DCAF16: variants seen among roughly 807,000 people sequenced by gnomAD.
DCAF16 encodes DDB1 and CUL4 associated factor 16.
A neutral mutation model predicts 17.3 loss-of-function variants in DCAF16; 10 were observed. The ratio of observed to expected loss-of-function variants is 0.58; its 90% confidence interval spans 0.36 to 0.98. DCAF16 has a LOEUF of 0.98. Ranked by LOEUF, DCAF16 falls within the 50% of genes least tolerant of loss-of-function variation. The probability of loss-of-function intolerance (pLI) is 0.01; values close to 1 mark genes in which losing one functional copy is unlikely to be tolerated. For missense variants in DCAF16, 249 were observed against 247.6 expected (o/e 1.01, Z -0.04); for synonymous variants, 111 against 92.8 (o/e 1.20, Z -1.12).
the DCAF16 span, among the ~76,000 whole-genome samples, chr4:17,795,588 T>A: frequency 8.5e-5 from 13 of 152,266 alleles, no homozygotes; most frequent in African/African-American, 3.1e-4. Flanking sequence ...TTCTTCAAGT[T>A]ATTTTCTAAT....
chr4:17,796,685 G>A (rs1206493139), downstream of DCAF16, among the ~76,000 whole-genome samples: 1 of 152,150 alleles, frequency 6.6e-6, no homozygotes, highest in Non-Finnish European at 1.5e-5. Flanking sequence ...CCAGCCTGGC[G>A]ACAGGGTGAG....
At position 17,805,479 on chromosome 4, in the gene DCAF16, AAAG is replaced by A. The variant is rs529122933; in HGVS notation, c.-749-257_-749-255del. ...ATAAATTACCAGAACTAAAGGAAAA[AAAG>A]AGAGAATTTTATTGAATGTGGATAA... On this transcript the variant is annotated intron_variant, in intron 1 of 2. Transcript: ENST00000382247. Among the ~76,000 whole-genome samples, 14 of 152,322 alleles carry A rather than the reference AAAG, an allele frequency of 9.2e-5. No individual in the cohort carries two copies. The East Asian group carries it at 2.7e-3, about 29-fold the overall frequency.
Position 17,800,842 on chromosome 4 carries a change from C to G in DCAF16, c.*2649G>C, listed in dbSNP as rs1719697102. 6.6e-6 allele frequency: 1 copy of G among 151,442 alleles called. No individual in the cohort carries two copies. Among genetic ancestry groups the G allele is most frequent in the Non-Finnish European group, 1.5e-5 (1 of 67,948 alleles). 9.4% of individuals were successfully genotyped at this position (151,442 alleles called of 1,614,324 possible). ...ATTCAGACCTCTTCCCTACCTCCTCCCACCTCCACTTAAACAAACAAACAA... is the reference window on the plus strand; with the variant it reads ...ATTCAGACCTCTTCCCTACCTCCTCGCACCTCCACTTAAACAAACAAACAA... On this transcript the variant is annotated 3_prime_UTR_variant, in exon 3 of 3. Transcript: ENST00000382247.
chr4:17,804,812 T>C (rs1258620189), intron 2 of DCAF16, 41 bp from the exon 3 acceptor site: 1 of 167,164 alleles, frequency 6.0e-6, no homozygotes, highest in Non-Finnish European at 1.5e-5. Flanking sequence ...CTGGATAACA[T>C]TATTGCCTAC....
In DCAF16 at chr4:17,803,270, C is replaced by G; in HGVS notation, c.*221G>C. 1.9e-6 allele frequency: 1 copy of G among 520,432 alleles called. No individual in the cohort carries two copies. The highest frequency in any genetic ancestry group is 2.3e-5 in the South Asian group (1 of 44,118). The allele number at this position is 520,432 out of a possible 1,614,324, so 32.2% of individuals were successfully genotyped here. ...AAACTTCTGACTTCAGCAGATCCAC[C>G]CGCCTCAGCCTCCCAAAGTGCTGGG... On this transcript the variant is annotated 3_prime_UTR_variant, in exon 3 of 3. Coordinates refer to ENST00000382247, the MANE Select transcript of DCAF16 (RefSeq NM_017741.4).
At chr4:17,795,888 G>T (rs1410591016), downstream of DCAF16, among the ~76,000 whole-genome samples, 1 of 152,146 alleles carries the variant, frequency 6.6e-6, no homozygotes, top group African/African-American at 2.4e-5. Flanking sequence ...GGGTCAAGCT[G>T]TTTTTTTACT....
chr4:17,801,319 G>A lies in DCAF16; in HGVS notation c.*2172C>T, dbSNP rs1719756352. On this transcript the variant is annotated 3_prime_UTR_variant, in exon 3 of 3. Coordinates refer to ENST00000382247, the MANE Select transcript of DCAF16 (RefSeq NM_017741.4). ...AATTTTTATATTTTTAGTAGAGATG[G>A]GCTTTCACCATGTTGGCCAGGCTGG... 1 of 151,992 alleles carries A rather than the reference G, an allele frequency of 6.6e-6. No individual in the cohort carries two copies. The highest frequency in any genetic ancestry group is 6.6e-5 in the Admixed American group (1 of 15,234). The allele number at this position is 151,992 out of a possible 1,614,324, so 9.4% of individuals were successfully genotyped here. A position where few individuals can be genotyped will look rare whatever the true frequency, so the allele number is the denominator to read the frequency against.
downstream of DCAF16, among the ~76,000 whole-genome samples, chr4:17,799,871 T>C (rs1431851378): frequency 6.6e-6 from 1 of 152,044 alleles, no homozygotes; most frequent in Non-Finnish European, 1.5e-5. Context: ...TGCCTATGGC[T>C]GGGCACGGTG....
In DCAF16 at chr4:17,801,074, T is replaced by G. The variant is rs2109014063; in HGVS notation, c.*2417A>C. On this transcript the variant is annotated 3_prime_UTR_variant, in exon 3 of 3. Transcript: ENST00000382247. Reference sequence around the variant, plus strand: ...AGGCTCAGCAGAAATATTCACTAGGTTATAAGCATTCTTCTCTCTTCTTAA... The same window carrying G: ...AGGCTCAGCAGAAATATTCACTAGGGTATAAGCATTCTTCTCTCTTCTTAA... 6.6e-6 allele frequency: 1 copy of G among 152,342 alleles called. No individual in the cohort carries two copies. The highest frequency in any genetic ancestry group is 1.9e-4 in the East Asian group (1 of 5,192). The allele number at this position is 152,342 out of a possible 1,614,324, so 9.4% of individuals were successfully genotyped here.
chr4:17,803,851 G>A lies in DCAF16; in HGVS notation c.291C>T (p.Leu97=). 1 of 1,614,198 alleles carries A rather than the reference G, an allele frequency of 6.2e-7. No individual in the cohort carries two copies. ...TGGGGACACAATGGGAACAATGGGA[G>A]AGTCTTAGACCTATCTCTCGAAGTA... ...VHILREIGLR[L]SHCSHCVPKL... is the part of the protein sequence containing the mutation. Residue 97 remains leucine (L), a synonymous_variant, in exon 3 of 3, where the codon CTC becomes CTT. Transcript: ENST00000382247.
At chr4:17,798,425 C>T (rs1719530606), downstream of DCAF16, among the ~76,000 whole-genome samples, 1 of 150,280 alleles carries the variant, frequency 6.7e-6, no homozygotes, top group South Asian at 2.1e-4. Context: ...AGTGAAACTG[C>T]CTCTACAAAG....
At position 17,805,117 on chromosome 4, in the gene DCAF16, G is replaced by T; in HGVS notation, c.-641C>A. 1 of 145,022 alleles carries T rather than the reference G, an allele frequency of 6.9e-6. No individual in the cohort carries two copies. 9.0% of individuals were successfully genotyped at this position (145,022 alleles called of 1,614,324 possible). On this transcript the variant is annotated 5_prime_UTR_variant, in exon 2 of 3. Coordinates refer to ENST00000382247, the MANE Select transcript of DCAF16 (RefSeq NM_017741.4). ...TTTTTTTTTTTTTACCTTCAGAGGT[G>T]CTTGTTGGAATTAGTTTTAGGGGGC...
At chr4:17,795,729 GCTT>G (rs1432845218), downstream of DCAF16, among the ~76,000 whole-genome samples, 1 of 152,152 alleles carries the variant, frequency 6.6e-6, no homozygotes, top group African/African-American at 2.4e-5. Context: ...GAATATCACA[GCTT>G]CTTTATGTTC....
At chr4:17,796,644 T>C (rs1364586955), downstream of DCAF16, among the ~76,000 whole-genome samples, 1 of 152,112 alleles carries the variant, frequency 6.6e-6, no homozygotes, top group Non-Finnish European at 1.5e-5. Flanking sequence ...GAGGTGGAGA[T>C]TGCAGTGAGC....
At chr4:17,797,600 C>T (rs1413225002), downstream of DCAF16, among the ~76,000 whole-genome samples, 1 of 152,196 alleles carries the variant, frequency 6.6e-6, no homozygotes, top group Non-Finnish European at 1.5e-5. Context: ...AACATTAATG[C>T]CAGCTTTCAA....
rs761690711 is a variant in DCAF16 at position 17,804,424 on chromosome 4, T to A, written c.-283A>T. ...CTTACCACTGGCACAGGTCAGAGTA[T>A]CTCCTTCAAATCCTGGCTACCCAAG... On this transcript the variant is annotated 5_prime_UTR_variant, in exon 3 of 3. Transcript: ENST00000382247. 4.2e-5 allele frequency: 17 copies of A among 405,260 alleles called. No homozygotes were observed. The highest frequency in any genetic ancestry group is 7.0e-5 in the Non-Finnish European group (15 of 215,332). The allele number at this position is 405,260 out of a possible 1,614,324, so 25.1% of individuals were successfully genotyped here. A position where few individuals can be genotyped will look rare whatever the true frequency, so the allele number is the denominator to read the frequency against.
At position 17,804,038 on chromosome 4, in the gene DCAF16, G is replaced by C. The variant is rs146048575; in HGVS notation, c.104C>G (p.Ser35Cys). The C allele has an allele frequency of 1.3e-5, 21 of 1,614,112 alleles. No homozygotes were observed. The African/African-American group carries it at 1.6e-4, about 12-fold the overall frequency. ...LNESSGEEWDSSEEEDSMVPN... is the reference protein window; with the variant it reads ...LNESSGEEWDCSEEEDSMVPN... ...CACCATAGAGTCCTCTTCTTCAGAG[G>C]AATCCCACTCTTCCCCAGAACTCTC... is the stretch of plus-strand genomic sequence containing the variant. The change falls in exon 3 of 3, where the codon TCC (serine) becomes TGC (cysteine). Residue 35 changes from serine (S) to cysteine (C), a missense_variant. Physicochemically the swap from Ser to Cys is moderately radical, Grantham distance 112. Transcript: ENST00000382247.
chr4:17,809,208 G>A lies in DCAF16; in HGVS notation c.-750+1239C>T, dbSNP rs940012663. Among the ~76,000 whole-genome samples the A allele has an allele frequency of 2.0e-5, 3 of 152,120 alleles. No individual in the cohort carries two copies. The East Asian group carries it at 5.8e-4, about 29-fold the overall frequency. Reference sequence around the variant, plus strand: ...AGTACTATAGCAACCTGTCTGTGCCGTAGTTTCCTCATCTTAAAAGAAGAT... The same window carrying A: ...AGTACTATAGCAACCTGTCTGTGCCATAGTTTCCTCATCTTAAAAGAAGAT... On this transcript the variant is annotated intron_variant, in intron 1 of 2. Transcript: ENST00000382247.
In DCAF16 at chr4:17,803,413, A is replaced by T; in HGVS notation, c.*78T>A. 7.5e-7 allele frequency: 1 copy of T among 1,334,634 alleles called. No individual in the cohort carries two copies. Among genetic ancestry groups the T allele is most frequent in the Non-Finnish European group, 1.1e-6 (1 of 945,874 alleles). The allele number at this position is 1,334,634 out of a possible 1,614,324, so 82.7% of individuals were successfully genotyped here. A position where few individuals can be genotyped will look rare whatever the true frequency, so the allele number is the denominator to read the frequency against. On this transcript the variant is annotated 3_prime_UTR_variant, in exon 3 of 3. Coordinates refer to ENST00000382247, the MANE Select transcript of DCAF16 (RefSeq NM_017741.4). The stretch of plus-strand genomic sequence containing the variant: ...AAGAGAGTTTGACTGAGAAGGCATT[A>T]GTGGGCTGTGTAATGACTAACTTTG...
Sources: gnomAD v4.1 joint callset for allele counts (sites outside exome capture counted in the v4.1 genomes callset) on GRCh38, gnomAD v4.1.1 for gene constraint, MANE v1.5 for transcripts, NCBI Gene and HGNC (gene_info 2026-07-23, HGNC 2026-07-21) for gene names.